The following PRKCZ variants were observed in gnomAD, a reference collection of about 807,000 sequenced individuals.
PRKCZ encodes protein kinase C zeta type.
Under a neutral mutation model 79.5 loss-of-function variants are expected in PRKCZ, and 33 were observed. That is an observed-to-expected ratio of 0.41 (90% CI 0.31 to 0.55). PRKCZ has a LOEUF of 0.55. Ranked by LOEUF, PRKCZ falls within the 20% of genes least tolerant of loss-of-function variation. PRKCZ has a pLI of 0.19. For missense variants in PRKCZ, 578 were observed against 813.5 expected (o/e 0.71, Z 3.52); for synonymous variants, 342 against 320.9 (o/e 1.07, Z -0.70).
rs1224674763 is a variant in PRKCZ at position 2,174,094 on chromosome 1, G to T, written c.1405+78G>T. 1.1e-5 allele frequency: 16 copies of T among 1,474,512 alleles called. No homozygotes were observed. The highest frequency in any genetic ancestry group is 1.0e-5 in the Non-Finnish European group (11 of 1,104,824). 91.3% of individuals were successfully genotyped at this position (1,474,512 alleles called of 1,614,324 possible). ...CCTTTTCAAAGGTGCAGGTGGAGGG[G>T]TCCCGCGGGTGCCTGGAGCGGCAGT... On this transcript the variant is annotated intron_variant, in intron 14 of 17. Coordinates refer to ENST00000378567, the MANE Select transcript of PRKCZ (RefSeq NM_002744.6). The surrounding 1 kb of genome is among the most constrained non-coding windows in gnomAD (Gnocchi z 6.2).
At position 2,075,932 on chromosome 1, in the gene PRKCZ, A is replaced by T. The variant is rs1462637020; in HGVS notation, c.334+16341A>T. On this transcript the variant is annotated intron_variant, in intron 4 of 17. Transcript: ENST00000378567. This position sits in a 1 kb window ranked among gnomAD's most constrained non-coding sequence, Gnocchi z 4.8. ...ACACGTTTCTGATCGCCGAGGACTC[A>T]GCCGGGCACATGGAGGTTGAACTGT... 6.6e-6 allele frequency among the ~76,000 whole-genome samples: 1 copy of T among 152,238 alleles called. No homozygotes were observed. The highest frequency in any genetic ancestry group is 1.5e-5 in the Non-Finnish European group (1 of 68,046).
chr1:2,169,350 C>T (rs1683954375), intron 10 of PRKCZ, 168 bp from the exon 11 acceptor site: 1 of 688,990 alleles, frequency 1.5e-6, no homozygotes, highest in Non-Finnish European at 2.7e-6. Context: ...CAGCCCGTCC[C>T]CACCAGCCCC....
chr1:2,101,774 A>G (rs571985923), intron 4 of PRKCZ, among the ~76,000 whole-genome samples: 1 of 152,342 alleles, frequency 6.6e-6, no homozygotes, highest in African/African-American at 2.4e-5. Context: ...GAGTAGACAC[A>G]GTGCTCCACA....
At chr1:2,180,948 T>G (rs1288930491) in intron 16 of PRKCZ, among the ~76,000 whole-genome samples, 1 of 152,188 alleles carries the variant, frequency 6.6e-6, no homozygotes, top group African/African-American at 2.4e-5. Flanking sequence ...CCGGCTAGTA[T>G]GGCCAAAGTG....
At position 2,109,679 on chromosome 1, in the gene PRKCZ, C is replaced by T. The variant is rs975085367; in HGVS notation, c.335-25583C>T. Among the ~76,000 whole-genome samples, 4 of 152,152 alleles carry T rather than the reference C, an allele frequency of 2.6e-5. No individual in the cohort carries two copies. The South Asian group carries it at 6.2e-4, about 24-fold the overall frequency. ...CGGCAGCTCACGCCCACTGCAGTGT[C>T]CGGAAGGCGGTGCTAGGTCCACCTC... On this transcript the variant is annotated intron_variant, in intron 4 of 17. Transcript: ENST00000378567.
rs1305361808 is a variant in PRKCZ, at chr1:2,173,948, C to T, written c.1337C>T (p.Ala446Val). 6.2e-7 allele frequency: 1 copy of T among 1,612,712 alleles called. No homozygotes were observed. The highest frequency in any genetic ancestry group is 8.5e-7 in the Non-Finnish European group (1 of 1,179,430). The change falls in exon 14 of 18, where the codon GCC (alanine) becomes GTC (valine). Residue 446 changes from alanine to valine, a missense_variant. Ala to Val is a moderately conservative substitution (Grantham distance 64). Transcript: ENST00000378567. The surrounding 1 kb of genome is among the most constrained non-coding windows in gnomAD (Gnocchi z 5.7). ...GGAGTCCTCATGTTTGAGATGATGG[C>T]CGGGCGCTCCCCGTTCGACATCATC... The part of the protein sequence containing the change: ...ALGVLMFEMM[A>V]GRSPFDIITD...
chr1:2,081,097 G>A (rs1663419947), intron 4 of PRKCZ, among the ~76,000 whole-genome samples: 1 of 152,228 alleles, frequency 6.6e-6, no homozygotes, highest in African/African-American at 2.4e-5. Context: ...TCTGCGGAGT[G>A]AGGCGTGCGT....
Position 2,172,512 on chromosome 1 carries a change from C to T in PRKCZ, c.1285+124C>T. On this transcript the variant is annotated intron_variant, in intron 13 of 17. Transcript: ENST00000378567. This position sits in a 1 kb window ranked among gnomAD's most constrained non-coding sequence, Gnocchi z 7.8. ...CACCCAAAAGCCACACACTGTCTTT[C>T]CCAGCCGGATGTCATCATCTGGCCT... is the stretch of plus-strand genomic sequence containing the variant. The T allele has an allele frequency of 2.7e-6, 3 of 1,108,688 alleles. No homozygotes were observed. The highest frequency in any genetic ancestry group is 3.8e-6 in the Non-Finnish European group (3 of 796,344). The allele number at this position is 1,108,688 out of a possible 1,614,324, so 68.7% of individuals were successfully genotyped here.
rs1466644231 is a variant in PRKCZ at position 2,075,312 on chromosome 1, G to C, written c.334+15721G>C. On this transcript the variant is annotated intron_variant, in intron 4 of 17. Coordinates refer to ENST00000378567, the MANE Select transcript of PRKCZ (RefSeq NM_002744.6). This position sits in a 1 kb window ranked among gnomAD's most constrained non-coding sequence, Gnocchi z 4.8. ...CTTGCGGTGTGAATACACTGCTGGG[G>C]TGGGAGCGCCGTGGCCAGGGTCAGG... is the stretch of plus-strand genomic sequence containing the variant. 6.6e-6 allele frequency: 1 copy of C among 152,356 alleles called. No homozygotes were observed. Among genetic ancestry groups the C allele is most frequent in the Non-Finnish European group, 1.5e-5 (1 of 68,156 alleles). The allele number at this position is 152,356 out of a possible 1,614,324, so 9.4% of individuals were successfully genotyped here. A position where few individuals can be genotyped will look rare whatever the true frequency, so the allele number is the denominator to read the frequency against.
Position 2,075,995 on chromosome 1 carries a change from A to G in PRKCZ, c.334+16404A>G, listed in dbSNP as rs966937142. Among the ~76,000 whole-genome samples, 1 of 152,152 alleles carries G rather than the reference A, an allele frequency of 6.6e-6. No individual in the cohort carries two copies. Among genetic ancestry groups the G allele is most frequent in the Admixed American group, 6.5e-5 (1 of 15,284 alleles). ...GGACCATCCATGGGGTCAGGCACCA[A>G]CCTCTGCTGAGGATCCCAAAATGTG... is the stretch of plus-strand genomic sequence containing the variant. On this transcript the variant is annotated intron_variant, in intron 4 of 17. Coordinates refer to ENST00000378567, the MANE Select transcript of PRKCZ (RefSeq NM_002744.6). The surrounding 1 kb of genome is among the most constrained non-coding windows in gnomAD (Gnocchi z 4.8).
rs529708025 is a variant in PRKCZ at position 2,150,402 on chromosome 1, T to G, written c.688-388T>G. On this transcript the variant is annotated intron_variant, in intron 8 of 17. Transcript: ENST00000378567. The stretch of plus-strand genomic sequence containing the variant: ...TGCATTCGCTTTACCTTCCTTCCCC[T>G]GAGGGAGGGCACTGATCAGGAAGGA... Among the ~76,000 whole-genome samples, 40 of 152,296 alleles carry G rather than the reference T, an allele frequency of 2.6e-4. No homozygotes were observed. The South Asian group carries it at 6.8e-3, about 26-fold the overall frequency.
Position 2,135,426 on chromosome 1 carries a change from G to A in PRKCZ, c.420+79G>A, listed in dbSNP as rs182930179. 1.7e-4 allele frequency: 221 copies of A among 1,322,876 alleles called. 4 individuals carry two copies. In the African/African-American group the frequency reaches 1.8e-3, roughly 11 times the overall value. 81.9% of individuals were successfully genotyped at this position (1,322,876 alleles called of 1,614,324 possible). The stretch of plus-strand genomic sequence containing the variant: ...AGCAAAGAGAGAGGAGGGGAGGCAC[G>A]TCCCGCTGAGCCCAGGCTGGGCTCT... On this transcript the variant is annotated intron_variant, in intron 5 of 17. Coordinates refer to ENST00000378567, the MANE Select transcript of PRKCZ (RefSeq NM_002744.6).
At chr1:2,158,437 G>A (rs898266975) in intron 10 of PRKCZ, among the ~76,000 whole-genome samples, 5 of 152,208 alleles carry the variant, frequency 3.3e-5, no homozygotes, top group African/African-American at 1.2e-4. Context: ...CGCCCGCACC[G>A]CCTGCGCCTG....
intron 4 of PRKCZ, among the ~76,000 whole-genome samples, chr1:2,101,259 G>A (rs1667395691): frequency 6.6e-6 from 1 of 152,122 alleles, no homozygotes; most frequent in Admixed American, 6.5e-5. Flanking sequence ...GGTTACTAAA[G>A]CTGTCTTGCA....
At chr1:2,137,053 C>G (rs1192746237) in intron 5 of PRKCZ, among the ~76,000 whole-genome samples, 1 of 152,192 alleles carries the variant, frequency 6.6e-6, no homozygotes, top group Non-Finnish European at 1.5e-5. Flanking sequence ...GTGGCTCACT[C>G]CGAGTCCAAA....
intron 11 of PRKCZ, among the ~76,000 whole-genome samples, chr1:2,170,785 T>C (rs1684275270): frequency 6.6e-6 from 1 of 152,220 alleles, no homozygotes; most frequent in Admixed American, 6.5e-5. Context: ...GAGCATAGCG[T>C]CCTCAAGATT....
chr1:2,093,894 C>A (rs12732952), intron 4 of PRKCZ, among the ~76,000 whole-genome samples: 1 of 152,062 alleles, frequency 6.6e-6, no homozygotes, highest in East Asian at 1.9e-4. Flanking sequence ...GGTCCGCGGC[C>A]GTCAGCGTTG....
Position 2,117,998 on chromosome 1 carries a change from C to CTTTTTTTTTTTTTTTTTTTTT in PRKCZ, c.335-17248_335-17247insTTTTTTTTTTTTTTTTTTTTT, listed in dbSNP as rs1553152756. ...TATGAGAGAGATTAGCCTATTATTTCTTTTTTTTTTTTTTTTGGAGTCTCA... is the reference window on the plus strand; with the variant it reads ...TATGAGAGAGATTAGCCTATTATTTCTTTTTTTTTTTTTTTTTTTTTTTTTTTTTTTTTTTTTGGAGTCTCA... On this transcript the variant is annotated intron_variant, in intron 4 of 17. Transcript: ENST00000378567. Among the ~76,000 whole-genome samples, 6 of 65,058 alleles carry CTTTTTTTTTTTTTTTTTTTTT rather than the reference C, an allele frequency of 9.2e-5. 1 individual carries two copies. The highest frequency in any genetic ancestry group is 1.4e-4 in the Non-Finnish European group (5 of 36,704). 42.7% of individuals were successfully genotyped at this position (65,058 alleles called of 152,430 possible).
At chr1:2,109,062 C>G (rs776786809) in intron 4 of PRKCZ, among the ~76,000 whole-genome samples, 5 of 152,194 alleles carry the variant, frequency 3.3e-5, no homozygotes, top group African/African-American at 4.8e-5. Context: ...GTGAGGACCC[C>G]GCAATGACGT....
Sources: allele counts gnomAD v4.1 joint callset (sites outside exome capture counted in the v4.1 genomes callset), GRCh38; gene constraint gnomAD v4.1.1; non-coding constraint Gnocchi (gnomAD v3.1); transcripts MANE v1.5; gene names NCBI Gene and HGNC (gene_info 2026-07-23, HGNC 2026-07-21).